GALNT16: variants seen among roughly 807,000 people sequenced by gnomAD.
The protein encoded by GALNT16 is UDP-GalNAc:polypeptide N-acetylgalactosaminyltransferase-like protein 1.
Under a neutral mutation model 76.1 loss-of-function variants are expected in GALNT16, and 40 were observed. The ratio of observed to expected loss-of-function variants is 0.53; its 90% CI spans 0.41 to 0.68. The LOEUF (loss-of-function observed/expected upper bound fraction) is 0.68, where lower values mean the gene tolerates loss of function less well. GALNT16 is among the 30% of genes least tolerant of loss of function. The pLI is 0.00. For missense variants in GALNT16, 621 were observed against 731.9 expected (o/e 0.85, Z 1.75); for synonymous variants, 276 against 285.2 (o/e 0.97, Z 0.32).
intron 1 of GALNT16, among the ~76,000 whole-genome samples, chr14:69,292,754 TC>T (rs1594827015): frequency 6.6e-6 from 1 of 152,184 alleles, no homozygotes; most frequent in African/African-American, 2.4e-5. Context: ...GATGGTGGCT[TC>T]CCCCTACCAG....
At chr14:69,310,338 A>T (rs2044999248) in intron 1 of GALNT16, among the ~76,000 whole-genome samples, 1 of 151,918 alleles carries the variant, frequency 6.6e-6, no homozygotes, top group Non-Finnish European at 1.5e-5. Context: ...AAACTCTTCC[A>T]GCTGAATCTC....
At chr14:69,376,499 T>TTCTGAGGTTAA in the GALNT16 span, among the ~76,000 whole-genome samples, 2 of 152,188 alleles carry the variant, frequency 1.3e-5, no homozygotes, top group Non-Finnish European at 2.9e-5. Context: ...TCACTTTTTC[T>TTCTGAGGTTAA]TCTGAGGTTA....
rs2044280130 is a variant in GALNT16 at position 69,261,950 on chromosome 14, T to C, written c.177+1483T>C. On this transcript the variant is annotated intron_variant, in intron 1 of 14. Coordinates refer to ENST00000448469, the MANE Select transcript of GALNT16 (RefSeq NM_001168368.2). This position sits in a 1 kb window ranked among gnomAD's most constrained non-coding sequence, Gnocchi z 6.4. ...ACTTGTCGCCCTTTGGACAGAAAAC[T>C]GATAAGGAAAAGCCTCCTGTGCTGA... 6.6e-6 allele frequency among the ~76,000 whole-genome samples: 1 copy of C among 152,102 alleles called. No homozygotes were observed. Among genetic ancestry groups the C allele is most frequent in the African/African-American group, 2.4e-5 (1 of 41,410 alleles).
intron 1 of GALNT16, among the ~76,000 whole-genome samples, chr14:69,300,933 T>A (rs1003718431): frequency 6.6e-6 from 1 of 152,224 alleles, no homozygotes; most frequent in African/African-American, 2.4e-5. Context: ...TCAGCGGTAC[T>A]CAGAGTACAA....
At chr14:69,339,673 C>G in intron 11 of GALNT16, 54 bp downstream of exon 11, 1 of 1,121,344 alleles carries the variant, frequency 8.9e-7, no homozygotes, top group Non-Finnish European at 1.3e-6. Context: ...TAGCACAACC[C>G]CAGCAAAATA....
intron 9 of GALNT16, among the ~76,000 whole-genome samples, chr14:69,338,340 G>A (rs779930487): frequency 6.6e-6 from 1 of 152,244 alleles, no homozygotes; most frequent in African/African-American, 2.4e-5. Flanking sequence ...GCCTGGAAAT[G>A]ATGCCACTGT....
the GALNT16 span, chr14:69,380,378 C>T: frequency 5.0e-5 from 22 of 441,860 alleles, no homozygotes; most frequent in Middle Eastern, 1.8e-3. Flanking sequence ...CGGGGGTTTC[C>T]GATTGAACAA....
Position 69,260,468 on chromosome 14 carries a change from G to T in GALNT16, c.177+1G>T, listed in dbSNP as rs2044249154. 4 of 1,476,202 alleles carry T rather than the reference G, an allele frequency of 2.7e-6. No individual in the cohort carries two copies. Among genetic ancestry groups the T allele is most frequent in the South Asian group, 2.7e-5 (2 of 74,220 alleles). 91.4% of individuals were successfully genotyped at this position (1,476,202 alleles called of 1,614,324 possible). On this transcript the variant is annotated splice_donor_variant, in intron 1 of 14. Coordinates refer to ENST00000448469, the MANE Select transcript of GALNT16 (RefSeq NM_001168368.2). LOFTEE classifies it high-confidence loss of function. ...CGAGGACCGCACCATCCCGCTCATT[G>T]TGAGTACGCCCCGAGCGTCGGCCGG...
At chr14:69,359,120 C>T (rs1264814538), downstream of GALNT16, 1 of 152,324 alleles carries the variant, frequency 6.6e-6, no homozygotes, top group Admixed American at 6.5e-5. Context: ...CACCTTCCTC[C>T]ATACGCTATG....
chr14:69,342,437 T>C (rs1288871981), intron 12 of GALNT16, among the ~76,000 whole-genome samples: 15 of 74,166 alleles, frequency 2.0e-4, no homozygotes, highest in African/African-American at 7.9e-4. Context: ...TGAGGGGAGG[T>C]GAGGGGAGGG....
chr14:69,385,392 T>C, the GALNT16 span, among the ~76,000 whole-genome samples: 476 of 152,266 alleles, frequency 3.1e-3, 4 homozygotes, highest in African/African-American at 0.011. Context: ...AATGATGTCC[T>C]TGCTCCTTAT....
intron 1 of GALNT16, among the ~76,000 whole-genome samples, chr14:69,312,966 C>T (rs1231235269): frequency 6.6e-6 from 1 of 152,210 alleles, no homozygotes; most frequent in Non-Finnish European, 1.5e-5. Flanking sequence ...GCCAGACAGC[C>T]TCAATTTTGG....
intron 1 of GALNT16, among the ~76,000 whole-genome samples, chr14:69,283,469 G>C (rs1026591260): frequency 1.3e-5 from 2 of 152,194 alleles, no homozygotes; most frequent in Non-Finnish European, 2.9e-5. Context: ...TTGTCTACCA[G>C]GGTCACACTT....
At position 69,341,823 on chromosome 14, in the gene GALNT16, C is replaced by A; in HGVS notation, c.1271+59C>A. On this transcript the variant is annotated intron_variant, in intron 12 of 14. Transcript: ENST00000448469. The stretch of plus-strand genomic sequence containing the variant: ...GCGGGTAGGGGGTGGTTGGGGCCAG[C>A]GGCTTTGGTCCCACCCCACCCTTAG... The A allele has an allele frequency of 2.7e-6, 3 of 1,112,252 alleles. 1 individual carries two copies. The highest frequency in any genetic ancestry group is 2.6e-5 in the South Asian group (2 of 76,576). The allele number at this position is 1,112,252 out of a possible 1,614,324, so 68.9% of individuals were successfully genotyped here.
At chr14:69,348,112 G>T (rs1425615542) in intron 14 of GALNT16, 110 bp downstream of exon 14, 2 of 1,138,486 alleles carry the variant, frequency 1.8e-6, no homozygotes, top group Non-Finnish European at 2.6e-6. Context: ...GCCCTTCAGA[G>T]CGAGGATCTG....
At chr14:69,360,637 AGAG>A (rs1382345270), downstream of GALNT16, among the ~76,000 whole-genome samples, 1 of 151,104 alleles carries the variant, frequency 6.6e-6, no homozygotes, top group Non-Finnish European at 1.5e-5. Flanking sequence ...GGAGAAGAAA[AGAG>A]AAGAGAGGAG....
At chr14:69,274,170 A>G (rs116244423) in intron 1 of GALNT16, among the ~76,000 whole-genome samples, 15 of 152,118 alleles carry the variant, frequency 9.9e-5, no homozygotes, top group Non-Finnish European at 2.1e-4. Context: ...GTTAATTCAC[A>G]TCAAGAGTTT....
intron 1 of GALNT16, among the ~76,000 whole-genome samples, chr14:69,290,801 A>G (rs2044678720): frequency 6.6e-6 from 1 of 152,236 alleles, no homozygotes; most frequent in Non-Finnish European, 1.5e-5. Flanking sequence ...TCAGCCTTAA[A>G]TGGAAAGAAT....
At chr14:69,324,059 G>A (rs1258752684) in intron 2 of GALNT16, among the ~76,000 whole-genome samples, 1 of 152,082 alleles carries the variant, frequency 6.6e-6, no homozygotes, top group Non-Finnish European at 1.5e-5. Context: ...ATGGATGGCT[G>A]GGGAGGGAGG....
Sources: allele counts gnomAD v4.1 joint callset (sites outside exome capture counted in the v4.1 genomes callset), GRCh38; gene constraint gnomAD v4.1.1; non-coding constraint Gnocchi (gnomAD v3.1); transcripts MANE v1.5; gene names NCBI Gene and HGNC (gene_info 2026-07-23, HGNC 2026-07-21).